FAM81A: variants seen among roughly 807,000 people sequenced by gnomAD.
FAM81A encodes family with sequence similarity 81 member A, also known as protein FAM81A.
A neutral mutation model predicts 46.7 loss-of-function variants in FAM81A; 19 were observed. That is an observed-to-expected ratio of 0.41 (90% CI 0.28 to 0.60). The LOEUF is 0.60. Among genes scored for constraint, FAM81A ranks in the 20% least tolerant of loss-of-function variants. The pLI is 0.34. For missense variants in FAM81A, 377 were observed against 453.5 expected (o/e 0.83, Z 1.53); for synonymous variants, 183 against 152.9 (o/e 1.20, Z -1.45).
At chr15:59,512,507 A>C (rs1250498832) in intron 6 of FAM81A, among the ~76,000 whole-genome samples, 4 of 151,118 alleles carry the variant, frequency 2.6e-5, no homozygotes, top group Admixed American at 1.3e-4. Context: ...AGCAATGCTG[A>C]AAAATATGCT....
chr15:59,500,777 C>CT (rs2082083190), intron 4 of FAM81A, among the ~76,000 whole-genome samples: 1 of 151,824 alleles, frequency 6.6e-6, no homozygotes, highest in Non-Finnish European at 1.5e-5. Flanking sequence ...TACCTATTCA[C>CT]GTTTTCTGTT....
chr15:59,504,081 T>C (rs548605849), intron 4 of FAM81A, among the ~76,000 whole-genome samples: 9 of 152,344 alleles, frequency 5.9e-5, no homozygotes, highest in Admixed American at 2.6e-4. Flanking sequence ...AGTGTTTATC[T>C]AGGAAGCTTA....
intron 2 of FAM81A, among the ~76,000 whole-genome samples, chr15:59,423,998 TTGAAAGCATTGCC>T (rs1263595269): frequency 6.6e-6 from 1 of 152,236 alleles, no homozygotes; most frequent in African/African-American, 2.4e-5. Flanking sequence ...GCGGAACTTC[TTGAAAGCATTGCC>T]TGTGGTCACT....
chr15:59,505,813 G>A lies in FAM81A; in HGVS notation c.414-1400G>A, dbSNP rs551937370. Among the ~76,000 whole-genome samples the A allele has an allele frequency of 6.6e-5, 10 of 152,116 alleles. No homozygotes were observed. In the South Asian group the frequency reaches 1.4e-3, roughly 22 times the overall value. ...ACGAGACAAAGAGCATTTACAAGGAGCAAAAATGTTGTGTCACTTAAGAAT... is the reference window on the plus strand; with the variant it reads ...ACGAGACAAAGAGCATTTACAAGGAACAAAAATGTTGTGTCACTTAAGAAT... On this transcript the variant is annotated intron_variant, in intron 4 of 8. Coordinates refer to ENST00000288228, the MANE Select transcript of FAM81A (RefSeq NM_152450.3).
intron 2 of FAM81A, among the ~76,000 whole-genome samples, chr15:59,411,181 C>T (rs991490247): frequency 1.3e-5 from 2 of 152,122 alleles, no homozygotes; most frequent in Admixed American, 6.5e-5. Context: ...AATATCATAA[C>T]GCACAGATCA....
intron 8 of FAM81A, among the ~76,000 whole-genome samples, chr15:59,519,370 G>A (rs1007471242): frequency 2.0e-5 from 3 of 151,756 alleles, no homozygotes; most frequent in African/African-American, 7.3e-5. Context: ...TGTATTTTTA[G>A]TAGAGATGGA....
chr15:59,441,144 TC>T (rs1243178473), intron 1 of FAM81A, among the ~76,000 whole-genome samples: 1 of 152,216 alleles, frequency 6.6e-6, no homozygotes, highest in Admixed American at 6.5e-5. Flanking sequence ...CTCTTCATTC[TC>T]TGGACTTGAT....
intron 3 of FAM81A, among the ~76,000 whole-genome samples, chr15:59,478,412 C>T (rs1316498647): frequency 6.6e-6 from 1 of 152,172 alleles, no homozygotes; most frequent in African/African-American, 2.4e-5. Context: ...ATGAGTGCAG[C>T]ATTGGGCTTT....
chr15:59,473,012 G>A (rs2081717381), intron 3 of FAM81A, among the ~76,000 whole-genome samples: 2 of 152,036 alleles, frequency 1.3e-5, no homozygotes, highest in Admixed American at 6.6e-5. Context: ...ACCCCAACTC[G>A]AACATTTCAA....
chr15:59,519,577 T>C lies in FAM81A; in HGVS notation c.983-1677T>C, dbSNP rs374627478. Among the ~76,000 whole-genome samples the C allele has an allele frequency of 4.1e-3, 620 of 150,470 alleles. 5 individuals are homozygous for C. Among genetic ancestry groups the C allele is most frequent in the African/African-American group, 0.015 (611 of 40,850 alleles). ...TTCTTTCCTTTCCCTTCCCTTCCCT[T>C]CCCTTCCTTTCCCTTCCCCTCCCCT... On this transcript the variant is annotated intron_variant, in intron 8 of 8. Coordinates refer to ENST00000288228, the MANE Select transcript of FAM81A (RefSeq NM_152450.3).
At chr15:59,478,260 G>A (rs1279110488) in intron 3 of FAM81A, among the ~76,000 whole-genome samples, 1 of 152,170 alleles carries the variant, frequency 6.6e-6, no homozygotes, top group Admixed American at 6.5e-5. Context: ...ACTTCATGAT[G>A]TCCTTCTGGC....
At chr15:59,477,521 CTT>C (rs2081787933) in intron 3 of FAM81A, among the ~76,000 whole-genome samples, 1 of 152,150 alleles carries the variant, frequency 6.6e-6, no homozygotes, top group Admixed American at 6.5e-5. Context: ...CTAGATAAGT[CTT>C]TATGATTTTC....
At chr15:59,443,130 C>T (rs12439439) in intron 1 of FAM81A, among the ~76,000 whole-genome samples, 1,552 of 152,266 alleles carry the variant, frequency 0.01, 16 homozygotes, top group Admixed American at 0.017. Flanking sequence ...TTGCCCAGGG[C>T]GGAACGCAAT....
intron 3 of FAM81A, among the ~76,000 whole-genome samples, chr15:59,475,385 A>G (rs775215210): frequency 6.6e-6 from 1 of 152,136 alleles, no homozygotes; most frequent in East Asian, 1.9e-4. Context: ...CAAGTGACCA[A>G]CCAGTTATGT....
chr15:59,483,556 TCTCTA>T (rs2081880941), intron 3 of FAM81A, among the ~76,000 whole-genome samples: 1 of 152,172 alleles, frequency 6.6e-6, no homozygotes, highest in Admixed American at 6.5e-5. Context: ...CATAATTACA[TCTCTA>T]CTTGGGCTTT....
rs1332455423 is a variant in FAM81A, at chr15:59,438,236, C to T, written c.-124C>T. 1.3e-5 allele frequency: 2 copies of T among 148,858 alleles called. No homozygotes were observed. Among genetic ancestry groups the T allele is most frequent in the Non-Finnish European group, 3.0e-5 (2 of 66,880 alleles). The allele number at this position is 148,858 out of a possible 1,614,324, so 9.2% of individuals were successfully genotyped here. On this transcript the variant is annotated 5_prime_UTR_variant, in exon 1 of 9. Transcript: ENST00000288228. The stretch of plus-strand genomic sequence containing the variant: ...CGCCAGCGGCCGCCGCACCCAGCCG[C>T]GCCGGCGAGGACATGGGCAGCCGCG...
chr15:59,402,000 G>A lies in FAM81A; in HGVS notation c.-160-276G>A, dbSNP rs1444369396. ...GTGTAATTCAATATATTTGTTCTGTGGCATGTTGACGCCGCAGAGCTGCCA... is the reference window on the plus strand; with the variant it reads ...GTGTAATTCAATATATTTGTTCTGTAGCATGTTGACGCCGCAGAGCTGCCA... On this transcript the variant is annotated intron_variant, in intron 1 of 4. Coordinates refer to the FAM81A transcript ENST00000558348. 8 of 648,292 alleles carry A rather than the reference G, an allele frequency of 1.2e-5. No individual in the cohort carries two copies. In the African/African-American group the frequency reaches 1.3e-4, roughly 10 times the overall value. The allele number at this position is 648,292 out of a possible 1,614,324, so 40.2% of individuals were successfully genotyped here.
Position 59,431,062 on chromosome 15 carries a change from G to C in FAM81A, c.-77-27488G>C, listed in dbSNP as rs187576460. Among the ~76,000 whole-genome samples the C allele has an allele frequency of 7.8e-3, 1,188 of 152,088 alleles. 9 individuals carry two copies. Among genetic ancestry groups the C allele is most frequent in the Middle Eastern group, 0.024 (7 of 292 alleles). On this transcript the variant is annotated intron_variant, in intron 2 of 4. Transcript: ENST00000558348. Reference sequence around the variant, plus strand: ...GCTCTTTATATGAATTGGTGCCTTTGATCTCCATTTGAACCTGATGAGGTA... The same window carrying C: ...GCTCTTTATATGAATTGGTGCCTTTCATCTCCATTTGAACCTGATGAGGTA...
intron 4 of FAM81A, among the ~76,000 whole-genome samples, chr15:59,496,235 G>A (rs2082031874): frequency 6.6e-6 from 1 of 152,046 alleles, no homozygotes; most frequent in African/African-American, 2.4e-5. Context: ...TTTCCTTGTA[G>A]ATATCTATTT....
Sources: allele counts gnomAD v4.1 joint callset (sites outside exome capture counted in the v4.1 genomes callset), GRCh38; gene constraint gnomAD v4.1.1; transcripts MANE v1.5; gene names NCBI Gene and HGNC (gene_info 2026-07-23, HGNC 2026-07-21).